LTBP4: variants seen among roughly 807,000 people sequenced by gnomAD.
LTBP4 encodes the protein latent-transforming growth factor beta-binding protein 4.
LTBP4 carries 93 observed loss-of-function variants against 180.2 expected under a neutral mutation model. The ratio of observed to expected loss-of-function variants is 0.52; its 90% CI spans 0.44 to 0.61. The LOEUF (loss-of-function observed/expected upper bound fraction) is 0.61. Among genes scored for constraint, LTBP4 ranks in the 20% least tolerant of loss-of-function variants. The probability of loss-of-function intolerance (pLI) is 0.00; values close to 1 mark genes in which losing one functional copy is unlikely to be tolerated. For synonymous variants in LTBP4, 947 were observed against 934.5 expected, an observed-to-expected ratio of 1.01 and a Z score of -0.24; for missense variants, 2,116 against 2,256.5, an observed-to-expected ratio of 0.94 and a Z score of 1.26.
intron 21 of LTBP4, among the ~76,000 whole-genome samples, chr19:40,618,129 T>A (rs1327762631): frequency 6.6e-6 from 1 of 151,964 alleles, no homozygotes; most frequent in East Asian, 1.9e-4. Flanking sequence ...GGTTGTTTGA[T>A]CATAGCTTAC....
rs772444674 is a variant in LTBP4 at position 40,605,607 on chromosome 19, T to C, written c.645T>C (p.Asp215=). The C allele has an allele frequency of 3.1e-6, 5 of 1,597,152 alleles. No homozygotes were observed. The highest frequency in any genetic ancestry group is 4.3e-6 in the Non-Finnish European group (5 of 1,172,060). Residue 215 remains aspartate (D), a synonymous_variant, in exon 3 of 30, where the codon GAT becomes GAC. Transcript: ENST00000396819. This position sits in a 1 kb window ranked among gnomAD's most constrained non-coding sequence, Gnocchi z 5.5. ...CGCCGCGGGAGGACGGCTACTCAGA[T>C]GCCTCGGGCTTCGGTTACTGCTTTC... ...QSAPREDGYS[D]ASGFGYCFRE... is the part of the protein sequence containing the mutation.
rs2081462045 is a variant in LTBP4, at chr19:40,606,392, C to G, written c.869-12C>G. On this transcript the variant is annotated splice_polypyrimidine_tract_variant and intron_variant, in intron 5 of 29. Transcript: ENST00000396819. Reference sequence around the variant, plus strand: ...GTTCCTGACTCCACGGTGACCTCCCCAACCCTGGCAGATGTGGATGAGTGC... The same window carrying G: ...GTTCCTGACTCCACGGTGACCTCCCGAACCCTGGCAGATGTGGATGAGTGC... 1 of 1,607,048 alleles carries G rather than the reference C, an allele frequency of 6.2e-7. No individual in the cohort carries two copies. The highest frequency in any genetic ancestry group is 1.7e-5 in the Admixed American group (1 of 59,496).
intron 27 of LTBP4, among the ~76,000 whole-genome samples, chr19:40,626,302 A>C (rs1348735865): frequency 6.6e-6 from 1 of 152,020 alleles, no homozygotes; most frequent in East Asian, 1.9e-4. Context: ...TAGAACCACC[A>C]GACACAGCCT....
Position 40,605,694 on chromosome 19 carries a change from G to T in LTBP4, c.691-35G>T. On this transcript the variant is annotated intron_variant, in intron 3 of 29. Coordinates refer to ENST00000396819, the MANE Select transcript of LTBP4 (RefSeq NM_001042545.2). This position sits in a 1 kb window ranked among gnomAD's most constrained non-coding sequence, Gnocchi z 5.5. ...GGGGAGGGGCCCGGAGCTTGCCTCC[G>T]CGCGGGGGCGCGCTCACCCAACACT... 1 of 1,544,478 alleles carries T rather than the reference G, an allele frequency of 6.5e-7. No homozygotes were observed.
chr19:40,606,420 G>T lies in LTBP4; in HGVS notation c.885G>T (p.Ala295=). The part of the protein sequence containing the change: ...NGSCEDVDEC[A]TGGRCQHGEC... The stretch of plus-strand genomic sequence containing the variant: ...CCCTGGCAGATGTGGATGAGTGCGC[G>T]ACTGGCGGGCGCTGCCAGCACGGCG... The change falls in exon 6 of 30, where the codon GCG becomes GCT. Residue 295 remains alanine (A), a synonymous_variant. Transcript: ENST00000396819. 1.9e-6 allele frequency: 3 copies of T among 1,597,268 alleles called. No individual in the cohort carries two copies. Among genetic ancestry groups the T allele is most frequent in the South Asian group, 1.1e-5 (1 of 88,910 alleles).
chr19:40,600,794 G>A (rs1460675041), upstream of LTBP4, among the ~76,000 whole-genome samples: 4 of 151,952 alleles, frequency 2.6e-5, no homozygotes, highest in Non-Finnish European at 5.9e-5. This position sits in a 1 kb window ranked among gnomAD's most constrained non-coding sequence, Gnocchi z 4.4. Context: ...CAGGTGTGGC[G>A]TTCTGGCCAG....
intron 26 of LTBP4, 30 bp downstream of exon 26, chr19:40,624,112 C>T (rs1325562082): frequency 6.7e-7 from 1 of 1,496,122 alleles, no homozygotes; most frequent in African/African-American, 1.4e-5. Context: ...CCAGGCCCTC[C>T]TTCCCTTGGC....
Position 40,610,674 on chromosome 19 carries a change from G to C in LTBP4, c.1810+17G>C. On this transcript the variant is annotated intron_variant, in intron 12 of 29. Transcript: ENST00000396819. ...GCTGCCAGGGTGAGGGCCTGGGAGGGGCAGCTGGGAAGGGGTGTGAGCGGT... is the reference window on the plus strand; with the variant it reads ...GCTGCCAGGGTGAGGGCCTGGGAGGCGCAGCTGGGAAGGGGTGTGAGCGGT... The C allele has an allele frequency of 6.4e-7, 1 of 1,572,938 alleles. No individual in the cohort carries two copies. Among genetic ancestry groups the C allele is most frequent in the Non-Finnish European group, 8.6e-7 (1 of 1,161,994 alleles).
chr19:40,617,031 A>T lies in LTBP4; in HGVS notation c.2944+11A>T, dbSNP rs1279561918. On this transcript the variant is annotated intron_variant, in intron 20 of 29. Coordinates refer to ENST00000396819, the MANE Select transcript of LTBP4 (RefSeq NM_001042545.2). ...GGGGCGGATGCCAGGGTGGGTGTCCATCAGGCATCGGGTGAGATGTGGAGA... is the reference window on the plus strand; with the variant it reads ...GGGGCGGATGCCAGGGTGGGTGTCCTTCAGGCATCGGGTGAGATGTGGAGA... 8.7e-6 allele frequency: 14 copies of T among 1,612,888 alleles called. No homozygotes were observed. The highest frequency in any genetic ancestry group is 1.3e-5 in the African/African-American group (1 of 75,028).
chr19:40,607,118 C>G (rs1027355803), intron 6 of LTBP4, among the ~76,000 whole-genome samples: 2 of 152,184 alleles, frequency 1.3e-5, no homozygotes, highest in Non-Finnish European at 2.9e-5. Flanking sequence ...ACTCGACTAT[C>G]TTCAGATCTT....
intron 26 of LTBP4, 125 bp downstream of exon 26, chr19:40,624,207 G>GC: frequency 8.7e-7 from 1 of 1,145,130 alleles, no homozygotes; most frequent in Non-Finnish European, 1.2e-6. Context: ...GCTCGACCAC[G>GC]CCCCACTGAG....
Position 40,614,458 on chromosome 19 carries a change from C to T in LTBP4, c.2812+12C>T. 1 of 1,596,516 alleles carries T rather than the reference C, an allele frequency of 6.3e-7. No homozygotes were observed. The highest frequency in any genetic ancestry group is 8.5e-7 in the Non-Finnish European group (1 of 1,178,784). Reference sequence around the variant, plus strand: ...GGGCACCTGTGACGGTGAGCCTGCCCCCACCCGCCTTCGCTAGCGCTTGCA... The same window carrying T: ...GGGCACCTGTGACGGTGAGCCTGCCTCCACCCGCCTTCGCTAGCGCTTGCA... On this transcript the variant is annotated intron_variant, in intron 19 of 29. Coordinates refer to ENST00000396819, the MANE Select transcript of LTBP4 (RefSeq NM_001042545.2).
chr19:40,597,864 T>C (rs926553104), upstream of LTBP4, among the ~76,000 whole-genome samples: 7 of 143,162 alleles, frequency 4.9e-5, no homozygotes, highest in African/African-American at 1.8e-4. Flanking sequence ...TTTTTCGAAT[T>C]GGTCAGGAAG....
intron 29 of LTBP4, among the ~76,000 whole-genome samples, chr19:40,628,264 G>A (rs557355480): frequency 6.6e-6 from 1 of 152,290 alleles, no homozygotes; most frequent in South Asian, 2.1e-4. Context: ...AACATAGCCG[G>A]GCGCAGTGGC....
chr19:40,626,480 T>G (rs2081634666), intron 27 of LTBP4, among the ~76,000 whole-genome samples: 2 of 151,992 alleles, frequency 1.3e-5, no homozygotes, highest in South Asian at 4.1e-4. Flanking sequence ...TCCGGGTGCC[T>G]AAGACCCCAA....
rs1350837367 is a variant in LTBP4 at position 40,622,776 on chromosome 19, T to C, written c.3484+109T>C. 4 of 1,447,806 alleles carry C rather than the reference T, an allele frequency of 2.8e-6. No homozygotes were observed. Among genetic ancestry groups the C allele is most frequent in the Non-Finnish European group, 3.7e-6 (4 of 1,082,534 alleles). The allele number at this position is 1,447,806 out of a possible 1,614,324, so 89.7% of individuals were successfully genotyped here. On this transcript the variant is annotated intron_variant, in intron 23 of 29. Coordinates refer to ENST00000396819, the MANE Select transcript of LTBP4 (RefSeq NM_001042545.2). The surrounding 1 kb of genome is among the most constrained non-coding windows in gnomAD (Gnocchi z 5.1). ...TTTGGACAGGGCCTTGAGGTACTAG[T>C]ACTGTCAGGGCAAGGGCGAGCTGCC...
At position 40,605,454 on chromosome 19, in the gene LTBP4, G is replaced by T; in HGVS notation, c.492G>T (p.Ser164=). The part of the protein sequence containing the change: ...SVHVEHPQEA[S]VVVHQVERVS... ...ACGTGGAGCACCCGCAGGAGGCGTC[G>T]GTGGTGGTGCACCAGGTGGAGCGTG... Residue 164 remains serine (S), a synonymous_variant, in exon 3 of 30, where the codon TCG becomes TCT. Transcript: ENST00000396819. This position sits in a 1 kb window ranked among gnomAD's most constrained non-coding sequence, Gnocchi z 5.5. The T allele has an allele frequency of 6.2e-7, 1 of 1,612,650 alleles. No homozygotes were observed. The highest frequency in any genetic ancestry group is 8.5e-7 in the Non-Finnish European group (1 of 1,179,856).
chr19:40,627,149 C>G lies in LTBP4; in HGVS notation c.4160C>G (p.Pro1387Arg), dbSNP rs190277382. 6.2e-7 allele frequency: 1 copy of G among 1,613,394 alleles called. No individual in the cohort carries two copies. Among genetic ancestry groups the G allele is most frequent in the East Asian group, 2.2e-5 (1 of 44,830 alleles). Reference sequence around the variant, plus strand: ...GCGCTACCCTACGACCCCTACCCACCGCCACCTGGGCCCTTCGCCCGCCGG... The same window carrying G: ...GCGCTACCCTACGACCCCTACCCACGGCCACCTGGGCCCTTCGCCCGCCGG... Reference protein sequence around the residue: ...PPALPYDPYPPPPGPFARREA... With the variant: ...PPALPYDPYPRPPGPFARREA... The change falls in exon 28 of 30, where the codon CCG becomes CGG. Residue 1387 changes from proline (P) to arginine (R), a missense_variant. Around this residue, in one of 5 missense-constraint regions of LTBP4, gnomAD observed 488 missense variants for 458.8 expected, o/e 1.06. Coordinates refer to ENST00000396819, the MANE Select transcript of LTBP4 (RefSeq NM_001042545.2).
intron 6 of LTBP4, 73 bp downstream of exon 6, chr19:40,606,599 C>A (rs111571724): frequency 6.6e-7 from 1 of 1,505,368 alleles, no homozygotes. Flanking sequence ...CATCCTGGGG[C>A]CTTTAATTCC....
Sources: gnomAD v4.1 joint callset for allele counts (sites outside exome capture counted in the v4.1 genomes callset) on GRCh38, gnomAD v4.1.1 for gene constraint, gnomAD v4.1.1 regional missense constraint, Gnocchi (gnomAD v3.1) non-coding constraint, MANE v1.5 for transcripts, NCBI Gene and HGNC (gene_info 2026-07-23, HGNC 2026-07-21) for gene names.